PDGFA: variants seen among roughly 807,000 people sequenced by gnomAD.
The protein encoded by PDGFA is platelet derived growth factor subunit A, also known as platelet-derived growth factor subunit A.
In PDGFA, 9 loss-of-function variants were observed where a neutral mutation model predicts 25.6. The ratio of observed to expected loss-of-function variants is 0.35; its 90% CI spans 0.21 to 0.61. PDGFA has a LOEUF of 0.61. Among genes scored for constraint, PDGFA ranks in the 20% least tolerant of loss-of-function variants. The probability of loss-of-function intolerance (pLI) is 0.75; values close to 1 mark genes in which losing one functional copy is unlikely to be tolerated. For synonymous variants in PDGFA, 133 were observed against 111.8 expected (o/e 1.19, Z -1.20); for missense variants, 242 against 272.8 (o/e 0.89, Z 0.79).
At chr7:502,626 C>G (rs565196826) in intron 4 of PDGFA, among the ~76,000 whole-genome samples, 38 of 152,314 alleles carry the variant, frequency 2.5e-4, no homozygotes, top group Non-Finnish European at 5.3e-4. Flanking sequence ...GCGAGCCACG[C>G]CTGCCCTCAA....
intron 4 of PDGFA, among the ~76,000 whole-genome samples, chr7:503,987 C>A (rs1373502603): frequency 6.6e-6 from 1 of 152,162 alleles, no homozygotes; most frequent in Non-Finnish European, 1.5e-5. Flanking sequence ...TGCCCCTTTC[C>A]CCAGGACAGA....
At chr7:514,052 G>C (rs1474683355) in intron 2 of PDGFA, among the ~76,000 whole-genome samples, 3 of 152,230 alleles carry the variant, frequency 2.0e-5, no homozygotes, top group Non-Finnish European at 2.9e-5. Flanking sequence ...AAACCAAAGA[G>C]TAACGGGTCC....
upstream of PDGFA, chr7:520,052 T>G (rs1783306459): frequency 2.5e-6 from 1 of 397,114 alleles, no homozygotes; most frequent in Non-Finnish European, 5.0e-6. Flanking sequence ...AGCAGCTAAA[T>G]CCATCAAAGC....
chr7:512,461 G>A lies in PDGFA; in HGVS notation c.161-6C>T. Reference sequence around the variant, plus strand: ...GTCCAAAGAATCCTCACTCCCTGCAGGCGGAAGGAGAACACCGTGAATGCC... The same window carrying A: ...GTCCAAAGAATCCTCACTCCCTGCAAGCGGAAGGAGAACACCGTGAATGCC... On this transcript the variant is annotated splice_region_variant and splice_polypyrimidine_tract_variant and intron_variant, in intron 2 of 5. Transcript: ENST00000402802. The A allele has an allele frequency of 5.0e-6, 8 of 1,613,522 alleles. No homozygotes were observed. Among genetic ancestry groups the A allele is most frequent in the Non-Finnish European group, 6.8e-6 (8 of 1,179,986 alleles).
chr7:500,635 G>A lies in PDGFA; in HGVS notation c.580+481C>T. ...AGCACCCTGGCACCGAGAAACTTCT[G>A]AGTCCCCTCATGCTCCCAGGGCCCA... On this transcript the variant is annotated intron_variant, in intron 5 of 5. Coordinates refer to ENST00000402802, the Ensembl canonical transcript of PDGFA. This position sits in a 1 kb window ranked among gnomAD's most constrained non-coding sequence, Gnocchi z 5.0. The A allele has an allele frequency of 6.7e-6, 10 of 1,495,250 alleles. No homozygotes were observed. The highest frequency in any genetic ancestry group is 2.6e-5 in the South Asian group (2 of 76,614). 92.6% of individuals were successfully genotyped at this position (1,495,250 alleles called of 1,614,324 possible).
At chr7:502,186 C>T (rs1032667177) in intron 4 of PDGFA, among the ~76,000 whole-genome samples, 2 of 152,066 alleles carry the variant, frequency 1.3e-5, no homozygotes, top group African/African-American at 4.8e-5. Flanking sequence ...CACACCACTG[C>T]ACTCCAGCCT....
intron 4 of PDGFA, among the ~76,000 whole-genome samples, chr7:507,800 G>C (rs879531067): frequency 6.6e-6 from 1 of 151,904 alleles, no homozygotes; most frequent in Non-Finnish European, 1.5e-5. Context: ...ATGGTGCTGG[G>C]CTCATGCCAG....
At chr7:502,951 C>G (rs998876350) in intron 4 of PDGFA, among the ~76,000 whole-genome samples, 1 of 152,110 alleles carries the variant, frequency 6.6e-6, no homozygotes, top group Non-Finnish European at 1.5e-5. Context: ...GGGGCCCCAT[C>G]GTGGGAATCT....
intron 2 of PDGFA, among the ~76,000 whole-genome samples, chr7:516,039 A>T (rs1040626496): frequency 4.3e-5 from 1 of 23,364 alleles, no homozygotes. Flanking sequence ...TCCAGGAAGC[A>T]GCCCCCCCCC....
At chr7:501,868 T>G (rs1782355937) in intron 4 of PDGFA, among the ~76,000 whole-genome samples, 1 of 152,136 alleles carries the variant, frequency 6.6e-6, no homozygotes. Context: ...GGGAAAGTGT[T>G]TGCTTGTGTG....
chr7:509,533 T>C (rs1782707945), intron 4 of PDGFA, among the ~76,000 whole-genome samples: 1 of 152,132 alleles, frequency 6.6e-6, no homozygotes, highest in Non-Finnish European at 1.5e-5. Context: ...TCAGCGATCC[T>C]CCAGCCTCAG....
In PDGFA at chr7:517,866, G is replaced by T. The variant is rs1783179785; in HGVS notation, c.64-376C>A. On this transcript the variant is annotated intron_variant, in intron 1 of 5. Coordinates refer to ENST00000402802, the Ensembl canonical transcript of PDGFA. This position sits in a 1 kb window ranked among gnomAD's most constrained non-coding sequence, Gnocchi z 7.4. ...TAATAGTGAGATCAACATCTAGAAAGATCAAGTTAAAATGCGTCACGGGTC... is the reference window on the plus strand; with the variant it reads ...TAATAGTGAGATCAACATCTAGAAATATCAAGTTAAAATGCGTCACGGGTC... Among the ~76,000 whole-genome samples, 2 of 152,238 alleles carry T rather than the reference G, an allele frequency of 1.3e-5. No homozygotes were observed. Among genetic ancestry groups the T allele is most frequent in the African/African-American group, 4.8e-5 (2 of 41,542 alleles).
At position 512,567 on chromosome 7, in the gene PDGFA, C is replaced by T. The variant is rs746743070; in HGVS notation, c.161-112G>A. On this transcript the variant is annotated intron_variant, in intron 2 of 5. Transcript: ENST00000402802. ...TTTGGGAGCCACTGGGGAACAGGCA[C>T]CTGGCGGCACAGCCCCTCACAGCTC... is the stretch of plus-strand genomic sequence containing the variant. 14 of 1,562,070 alleles carry T rather than the reference C, an allele frequency of 9.0e-6. No homozygotes were observed. In the African/African-American group the frequency reaches 1.6e-4, roughly 18 times the overall value.
chr7:517,355 G>GCGCCCTCCCC lies in PDGFA; in HGVS notation c.160+29_160+38dup. ...CTCGGGGCGCACAGGCCGCCCGCCC[G>GCGCCCTCCCC]CGCCCTCCCCGCGCGCGGAGGGAAG... On this transcript the variant is annotated intron_variant, in intron 2 of 5. Coordinates refer to ENST00000402802, the Ensembl canonical transcript of PDGFA. This position sits in a 1 kb window ranked among gnomAD's most constrained non-coding sequence, Gnocchi z 7.4. The GCGCCCTCCCC allele has an allele frequency of 9.2e-7, 1 of 1,083,222 alleles. No homozygotes were observed. Among genetic ancestry groups the GCGCCCTCCCC allele is most frequent in the Non-Finnish European group, 1.2e-6 (1 of 813,012 alleles). The allele number at this position is 1,083,222 out of a possible 1,614,324, so 67.1% of individuals were successfully genotyped here. A position where few individuals can be genotyped will look rare whatever the true frequency, so the allele number is the denominator to read the frequency against.
exon 6 of PDGFA, chr7:498,448 T>C: frequency 6.0e-6 from 6 of 1,000,354 alleles, no homozygotes; most frequent in Non-Finnish European, 9.3e-6. Context: ...TCGGACACAG[T>C]TTTTCACGGA....
At chr7:503,271 G>A (rs1782426440) in intron 4 of PDGFA, among the ~76,000 whole-genome samples, 1 of 152,100 alleles carries the variant, frequency 6.6e-6, no homozygotes, top group Non-Finnish European at 1.5e-5. Flanking sequence ...CACCCAGCAG[G>A]CGCTCCATCT....
At chr7:507,792 G>A (rs1391016128) in intron 4 of PDGFA, among the ~76,000 whole-genome samples, 1 of 152,182 alleles carries the variant, frequency 6.6e-6, no homozygotes, top group African/African-American at 2.4e-5. Context: ...CAGAGGGGAT[G>A]GTGCTGGGCT....
intron 4 of PDGFA, among the ~76,000 whole-genome samples, 191 bp from the exon 5 acceptor site, chr7:501,433 T>TTG (rs1334066489): frequency 2.6e-5 from 4 of 152,012 alleles, no homozygotes; most frequent in Non-Finnish European, 4.4e-5. Context: ...CAGTGCAGTT[T>TTG]TGTGTGTGTG....
rs761521449 is a variant in PDGFA at position 510,920 on chromosome 7, G to A, written c.342C>T (p.Ser114=). 4.5e-5 allele frequency: 73 copies of A among 1,612,484 alleles called. No homozygotes were observed. The East Asian group carries it at 9.8e-4, about 22-fold the overall frequency. The change falls in exon 4 of 6, where the codon TCC becomes TCT. Residue 114 remains serine (S), a synonymous_variant. Transcript: ENST00000402802. ...ACGGGGGCCAGATCAGGAAGTTGGC[G>A]GACGTGGGGTCGACCTGACTCCGAG...
Sources: allele counts gnomAD v4.1 joint callset (sites outside exome capture counted in the v4.1 genomes callset), GRCh38; gene constraint gnomAD v4.1.1; non-coding constraint Gnocchi (gnomAD v3.1); transcripts MANE v1.5; gene names NCBI Gene and HGNC (gene_info 2026-07-23, HGNC 2026-07-21).